PSME4: variants seen among roughly 807,000 people sequenced by gnomAD.
PSME4 encodes proteasome activator subunit 4, also known as proteasome activator complex subunit 4.
A neutral mutation model predicts 253.9 loss-of-function variants in PSME4; 89 were observed. The observed-to-expected ratio is 0.35, with a 90% CI of 0.30 to 0.42. The LOEUF is 0.42. Among genes scored for constraint, PSME4 ranks in the 10% least tolerant of loss-of-function variants. PSME4 has a pLI of 1.00. For synonymous variants in PSME4, 851 were observed against 759.2 expected (o/e 1.12, Z -1.99); for missense variants, 2,014 against 2,195.2 (o/e 0.92, Z 1.65).
rs1266524665 is a variant in PSME4, at chr2:53,908,348, T to C, written c.2756A>G (p.Asn919Ser). 8 of 1,612,628 alleles carry C rather than the reference T, an allele frequency of 5.0e-6. No homozygotes were observed. Among genetic ancestry groups the C allele is most frequent in the Non-Finnish European group, 6.8e-6 (8 of 1,179,194 alleles). The change falls in exon 24 of 47, where the codon AAC becomes AGC. Residue 919 changes from asparagine to serine, a missense_variant. Asn to Ser is a conservative substitution (Grantham distance 46). This residue lies in a region of PSME4 where 989 missense variants were observed against 1,021.1 expected (regional missense o/e 0.97). Transcript: ENST00000404125. The part of the protein sequence containing the change: ...HEFDSRWKSF[N>S]LVKKSMENRL... ...ATTTTCCATTGATTTCTTTACTAAG[T>C]TGAAGCTTTTCCATCGGGAGTCAAA...
intron 19 of PSME4, among the ~76,000 whole-genome samples, chr2:53,919,863 C>A (rs180681392): frequency 7.2e-5 from 11 of 151,910 alleles, no homozygotes; most frequent in African/African-American, 2.7e-4. Context: ...ATTTTGAGAA[C>A]CCAATAAAAT....
At chr2:53,889,223 C>G (rs1341527781) in intron 37 of PSME4, among the ~76,000 whole-genome samples, 4 of 152,136 alleles carry the variant, frequency 2.6e-5, no homozygotes, top group Admixed American at 6.6e-5. Context: ...CCCTTGGTAT[C>G]TGTGGTGGAT....
intron 7 of PSME4, among the ~76,000 whole-genome samples, chr2:53,935,449 A>G (rs1573326940): frequency 6.6e-6 from 1 of 152,254 alleles, no homozygotes; most frequent in Middle Eastern, 3.4e-3. Flanking sequence ...GATATCCCCC[A>G]CAAGCCCTAC....
chr2:53,927,982 T>C, intron 11 of PSME4, 135 bp downstream of exon 11: 1 of 641,590 alleles, frequency 1.6e-6, no homozygotes, highest in Non-Finnish European at 2.5e-6. Context: ...ACTGTTACTT[T>C]AATAATTAAA....
intron 1 of PSME4, among the ~76,000 whole-genome samples, chr2:53,957,183 T>C (rs2104483930): frequency 6.6e-6 from 1 of 152,268 alleles, no homozygotes; most frequent in Non-Finnish European, 1.5e-5. Context: ...CCCCAAACTT[T>C]TTGGCACTTA....
chr2:53,888,337 G>C (rs1679736703), intron 38 of PSME4: 1 of 232,922 alleles, frequency 4.3e-6, no homozygotes. Flanking sequence ...ACTTTCTACA[G>C]CACCATATGC....
chr2:53,872,741 CAAAAAAAAAAAAA>C (rs61308177), intron 43 of PSME4, among the ~76,000 whole-genome samples: 7 of 48,008 alleles, frequency 1.5e-4, no homozygotes, highest in East Asian at 5.0e-4. Flanking sequence ...GACTTGGTCT[CAAAAAAAAAAAAA>C]AAAAAAAAAA....
intron 10 of PSME4, 64 bp downstream of exon 10, chr2:53,931,771 G>A (rs1298357967): frequency 5.3e-6 from 8 of 1,518,922 alleles, no homozygotes; most frequent in Non-Finnish European, 7.1e-6. Context: ...GGAGAAAAGA[G>A]AATCGAGCTG....
chr2:53,948,035 G>C (rs1378679397), intron 3 of PSME4, among the ~76,000 whole-genome samples: 1 of 152,048 alleles, frequency 6.6e-6, no homozygotes, highest in African/African-American at 2.4e-5. Context: ...AGAATGATAA[G>C]CCAAACGTGC....
chr2:53,887,209 T>A (rs757036487), intron 40 of PSME4, 50 bp downstream of exon 40: 2 of 1,496,318 alleles, frequency 1.3e-6, no homozygotes, highest in South Asian at 2.3e-5. Flanking sequence ...CTCTACAGGA[T>A]AATCAAATAG....
chr2:53,915,313 C>T lies in PSME4; in HGVS notation c.2516+3838G>A, dbSNP rs116211915. On this transcript the variant is annotated intron_variant, in intron 20 of 46. Coordinates refer to ENST00000404125, the MANE Select transcript of PSME4 (RefSeq NM_014614.3). ...AAAATTAGCTGGGCATGGTGACCCACGCCTATAGTCCCAGCTATTCGGGAG... is the reference window on the plus strand; with the variant it reads ...AAAATTAGCTGGGCATGGTGACCCATGCCTATAGTCCCAGCTATTCGGGAG... Among the ~76,000 whole-genome samples, 1,041 of 152,206 alleles carry T rather than the reference C, an allele frequency of 6.8e-3. 16 individuals carry two copies. The highest frequency in any genetic ancestry group is 0.024 in the African/African-American group (984 of 41,514).
At chr2:53,889,953 C>A (rs552629062) in intron 37 of PSME4, 151 bp downstream of exon 37, 10 of 633,972 alleles carry the variant, frequency 1.6e-5, no homozygotes, top group Non-Finnish European at 2.4e-5. Flanking sequence ...GAATAATAGT[C>A]TCTAATCCCA....
At chr2:53,944,050 C>T (rs1669586263) in intron 3 of PSME4, among the ~76,000 whole-genome samples, 1 of 152,194 alleles carries the variant, frequency 6.6e-6, no homozygotes, top group South Asian at 2.1e-4. Context: ...TCAACTTGAA[C>T]TAAGTATTTT....
chr2:53,945,609 C>A (rs1337369129), intron 3 of PSME4, among the ~76,000 whole-genome samples: 2 of 152,106 alleles, frequency 1.3e-5, no homozygotes, highest in African/African-American at 4.8e-5. Flanking sequence ...TTGCTTCAAA[C>A]AATAGAACTA....
At chr2:53,872,849 C>A (rs1352953348) in intron 43 of PSME4, among the ~76,000 whole-genome samples, 4 of 147,596 alleles carry the variant, frequency 2.7e-5, no homozygotes, top group African/African-American at 7.5e-5. Flanking sequence ...ATGACAAGGT[C>A]ATTGTTTCCA....
At chr2:53,883,680 G>C (rs1394516195) in intron 41 of PSME4, among the ~76,000 whole-genome samples, 3 of 151,728 alleles carry the variant, frequency 2.0e-5, no homozygotes, top group African/African-American at 7.3e-5. Context: ...TATGCTAACT[G>C]AATCATCTCT....
At chr2:53,970,352 C>G (rs538572372) in intron 1 of PSME4, among the ~76,000 whole-genome samples, 191 bp downstream of exon 1, 1 of 152,184 alleles carries the variant, frequency 6.6e-6, no homozygotes, top group East Asian at 1.9e-4. Flanking sequence ...CGGGAAGTCC[C>G]GTAGGAAAGT....
At chr2:53,893,560 G>T in intron 35 of PSME4, 114 bp downstream of exon 35, 1 of 1,537,224 alleles carries the variant, frequency 6.5e-7, no homozygotes, top group Non-Finnish European at 8.7e-7. Context: ...AAATTCCAGT[G>T]CCATTTTAGA....
At position 53,866,868 on chromosome 2, in the gene PSME4, C is replaced by T. The variant is rs1558636678; in HGVS notation, c.5276G>A (p.Arg1759His). 3 of 1,613,634 alleles carry T rather than the reference C, an allele frequency of 1.9e-6. No homozygotes were observed. Among genetic ancestry groups the T allele is most frequent in the Non-Finnish European group, 1.7e-6 (2 of 1,179,802 alleles). Residue 1759 changes from arginine (R) to histidine (H), a missense_variant, in exon 45 of 47, where the codon CGC becomes CAC. By Grantham distance (29) the Arg-to-His change is conservative (BLOSUM62 0). Transcript: ENST00000404125. ...DTIPSAELVK[R>H]HAGVLGLGAC... ...ACCAAGTCCTAGCACCCCAGCATGG[C>T]GTTTGACCAACTCTGCAAAGAGAAT...
Sources: gnomAD v4.1 joint callset for allele counts (sites outside exome capture counted in the v4.1 genomes callset) on GRCh38, gnomAD v4.1.1 for gene constraint, gnomAD v4.1.1 regional missense constraint, MANE v1.5 for transcripts, NCBI Gene and HGNC (gene_info 2026-07-23, HGNC 2026-07-21) for gene names.